EPHA5: variants seen among roughly 807,000 people sequenced by gnomAD.
The protein encoded by EPHA5 is ephrin type-A receptor 5.
Under a neutral mutation model 105.0 loss-of-function variants are expected in EPHA5, and 60 were observed. The observed-to-expected ratio is 0.57, with a 90% CI of 0.46 to 0.71. The LOEUF is 0.71. Among genes scored for constraint, EPHA5 ranks in the 30% least tolerant of loss-of-function variants. The probability of loss-of-function intolerance (pLI) is 0.00; values close to 1 mark genes in which losing one functional copy is unlikely to be tolerated. For synonymous variants in EPHA5, 513 were observed against 449.1 expected, an observed-to-expected ratio of 1.14 and a Z score of -1.80; for missense variants, 1,218 against 1,274.7, an observed-to-expected ratio of 0.96 and a Z score of 0.68.
chr4:65,566,163 C>A (rs528950392), intron 3 of EPHA5, among the ~76,000 whole-genome samples: 1 of 151,652 alleles, frequency 6.6e-6, no homozygotes, highest in Non-Finnish European at 1.5e-5. Context: ...GACTGTGTAA[C>A]GTGAAAAACA....
In EPHA5 at chr4:65,455,041, C is replaced by T. The variant is rs559812836; in HGVS notation, c.1403-34476G>A. Among the ~76,000 whole-genome samples, 3 of 151,976 alleles carry T rather than the reference C, an allele frequency of 2.0e-5. No individual in the cohort carries two copies. In the South Asian group the frequency reaches 6.2e-4, roughly 32 times the overall value. Reference sequence around the variant, plus strand: ...CGGGCAGATCACAAGGTCAGGAGATCGAGACCATGGTGAAACCCTGTCTCT... The same window carrying T: ...CGGGCAGATCACAAGGTCAGGAGATTGAGACCATGGTGAAACCCTGTCTCT... On this transcript the variant is annotated intron_variant, in intron 5 of 16. Coordinates refer to ENST00000613740, the MANE Select transcript of EPHA5 (RefSeq NM_001281766.3).
chr4:65,462,222 C>T (rs887429870), intron 5 of EPHA5, among the ~76,000 whole-genome samples: 1 of 152,150 alleles, frequency 6.6e-6, no homozygotes, highest in Non-Finnish European at 1.5e-5. Flanking sequence ...TCTTTACCTA[C>T]TAGCTAAATA....
chr4:65,632,200 C>A (rs1211280890), intron 2 of EPHA5, among the ~76,000 whole-genome samples: 2 of 152,004 alleles, frequency 1.3e-5, no homozygotes, highest in African/African-American at 4.8e-5. Context: ...GATGTCAAGA[C>A]CTCTATATTA....
chr4:65,395,984 T>C (rs1721192938), intron 8 of EPHA5, among the ~76,000 whole-genome samples: 1 of 152,152 alleles, frequency 6.6e-6, no homozygotes, highest in Non-Finnish European at 1.5e-5. Flanking sequence ...CCCTTCCAAA[T>C]TGGCAGGGCA....
At chr4:65,408,047 C>A (rs527260061) in intron 7 of EPHA5, among the ~76,000 whole-genome samples, 1 of 152,088 alleles carries the variant, frequency 6.6e-6, no homozygotes, top group South Asian at 2.1e-4. Context: ...AACTGTTTCA[C>A]ATGCATGAAT....
chr4:65,574,430 TC>T, intron 3 of EPHA5: 1 of 440,494 alleles, frequency 2.3e-6, no homozygotes, highest in Non-Finnish European at 3.6e-6. Flanking sequence ...ATACATGTAT[TC>T]ATACTCTTGA....
chr4:65,432,607 A>T (rs1215211060), intron 5 of EPHA5, among the ~76,000 whole-genome samples: 3 of 151,868 alleles, frequency 2.0e-5, no homozygotes, highest in African/African-American at 4.8e-5. Context: ...TTACTCTGTC[A>T]CCCAGTCTTG....
At chr4:65,325,650 C>A (rs1036655104) in intron 16 of EPHA5, among the ~76,000 whole-genome samples, 19 of 151,186 alleles carry the variant, frequency 1.3e-4, no homozygotes, top group Admixed American at 2.7e-4. Flanking sequence ...GTAAAATTAG[C>A]TTTGAAACAA....
chr4:65,611,971 C>T (rs1440387340), intron 2 of EPHA5, among the ~76,000 whole-genome samples: 1 of 129,620 alleles, frequency 7.7e-6, no homozygotes, highest in African/African-American at 2.9e-5. Flanking sequence ...GAGCCGAGAT[C>T]AGGCCACTGC....
At chr4:65,388,898 G>A (rs907784934) in intron 8 of EPHA5, among the ~76,000 whole-genome samples, 8 of 151,940 alleles carry the variant, frequency 5.3e-5, no homozygotes, top group African/African-American at 1.9e-4. Context: ...CCATGCCTAT[G>A]TCCTGAATGG....
At chr4:65,531,761 A>C (rs372915317) in intron 3 of EPHA5, among the ~76,000 whole-genome samples, 9 of 151,108 alleles carry the variant, frequency 6.0e-5, no homozygotes, top group African/African-American at 1.7e-4. Context: ...GCAGAATGAC[A>C]ATGATCCAGG....
rs56752343 is a variant in EPHA5, at chr4:65,655,145, C to G, written c.182-11718G>C. On this transcript the variant is annotated intron_variant, in intron 1 of 16. Transcript: ENST00000613740. Reference sequence around the variant, plus strand: ...CTATATCCCCTTTATCCTTAGAACACTTTCATATTCTCTTTTATTAACAAT... The same window carrying G: ...CTATATCCCCTTTATCCTTAGAACAGTTTCATATTCTCTTTTATTAACAAT... Among the ~76,000 whole-genome samples the G allele has an allele frequency of 5.9e-3, 894 of 151,834 alleles. 12 individuals carry two copies. The highest frequency in any genetic ancestry group is 0.021 in the African/African-American group (856 of 41,448).
At chr4:65,551,490 G>C (rs1737918904) in intron 3 of EPHA5, among the ~76,000 whole-genome samples, 1 of 151,994 alleles carries the variant, frequency 6.6e-6, no homozygotes, top group African/African-American at 2.4e-5. Context: ...AAAAGAACAA[G>C]ATAAGCAACA....
chr4:65,576,245 T>A (rs930312950), intron 3 of EPHA5, among the ~76,000 whole-genome samples: 1 of 152,118 alleles, frequency 6.6e-6, no homozygotes, highest in Non-Finnish European at 1.5e-5. Flanking sequence ...CCAATTTTGT[T>A]CCAAACCTTT....
At chr4:65,554,981 CAAAAAAAAAAAAAAAAA>C (rs71205383) in intron 3 of EPHA5, among the ~76,000 whole-genome samples, 3 of 92,618 alleles carry the variant, frequency 3.2e-5, no homozygotes, top group Admixed American at 1.4e-4. Context: ...TATACAACAG[CAAAAAAAAAAAAAAAAA>C]AAAAAAAAAA....
intron 5 of EPHA5, among the ~76,000 whole-genome samples, chr4:65,446,042 A>G (rs1726489087): frequency 6.6e-6 from 1 of 152,134 alleles, no homozygotes; most frequent in South Asian, 2.1e-4. Context: ...CCACATAGCT[A>G]TTAGCTACAT....
intron 2 of EPHA5, among the ~76,000 whole-genome samples, chr4:65,628,664 C>A (rs1203071066): frequency 6.6e-6 from 1 of 152,058 alleles, no homozygotes; most frequent in African/African-American, 2.4e-5. Flanking sequence ...AAGCAAACAG[C>A]AAACTAGAGA....
At chr4:65,462,989 T>C (rs1221728110) in intron 5 of EPHA5, among the ~76,000 whole-genome samples, 4 of 152,190 alleles carry the variant, frequency 2.6e-5, no homozygotes, top group African/African-American at 9.7e-5. Flanking sequence ...GATTAACAAA[T>C]GCAATCTTCA....
intron 2 of EPHA5, among the ~76,000 whole-genome samples, chr4:65,636,764 A>T (rs1747157221): frequency 6.6e-6 from 1 of 152,044 alleles, no homozygotes; most frequent in African/African-American, 2.4e-5. Context: ...GCACATCTAT[A>T]AAAAGAAAGA....
Sources: gnomAD v4.1 joint callset for allele counts (sites outside exome capture counted in the v4.1 genomes callset) on GRCh38, gnomAD v4.1.1 for gene constraint, MANE v1.5 for transcripts, NCBI Gene and HGNC (gene_info 2026-07-23, HGNC 2026-07-21) for gene names.